EIF2AK3: variants seen among roughly 807,000 people sequenced by gnomAD.
The protein encoded by EIF2AK3 is eukaryotic translation initiation factor 2-alpha kinase 3.
In EIF2AK3, 50 loss-of-function variants were observed where a neutral mutation model predicts 113.5. That is an observed-to-expected ratio of 0.44 (90% CI 0.35 to 0.56). The LOEUF (loss-of-function observed/expected upper bound fraction) is 0.56, where lower values mean the gene tolerates loss of function less well. Ranked by LOEUF, EIF2AK3 falls within the 20% of genes least tolerant of loss-of-function variation. The probability of loss-of-function intolerance (pLI) is 0.00; values close to 1 mark genes in which losing one functional copy is unlikely to be tolerated. For synonymous variants in EIF2AK3, 448 were observed against 495.4 expected, an observed-to-expected ratio of 0.90 and a Z score of 1.27; for missense variants, 1,185 against 1,378.0, an observed-to-expected ratio of 0.86 and a Z score of 2.22.
chr2:88,575,290 T>C lies in EIF2AK3; in HGVS notation c.2193A>G (p.Thr731=). 6.2e-7 allele frequency: 1 copy of C among 1,614,194 alleles called. No individual in the cohort carries two copies. The highest frequency in any genetic ancestry group is 8.5e-7 in the Non-Finnish European group (1 of 1,180,018). The change falls in exon 13 of 17, where the codon ACA becomes ACG. Residue 731 remains threonine (T), a synonymous_variant. Coordinates refer to ENST00000303236, the MANE Select transcript of EIF2AK3 (RefSeq NM_004836.7). ...GTGAGAACTGGCTCTCAGATGAACT[T>C]GTCTGGTCACAGGAAATCCCTACTG... ...SFSVGISCDQ[T]SSSESQFSPL... is the part of the protein sequence containing the mutation.
intron 3 of EIF2AK3, chr2:88,594,057 G>A: frequency 2.1e-6 from 1 of 473,580 alleles, no homozygotes; most frequent in Non-Finnish European, 2.8e-6. Context: ...AGGATGGCAT[G>A]GCCTCCTCAA....
rs375371096 is a variant in EIF2AK3, at chr2:88,591,034, G to T, written c.786C>A (p.Gly262=). Residue 262 remains glycine (G), a synonymous_variant, in exon 5 of 17, where the codon GGC becomes GGA. Coordinates refer to ENST00000303236, the MANE Select transcript of EIF2AK3 (RefSeq NM_004836.7). ...SGNEKWNFSV[G]HFELRYIPDM... ...CTGGAATATACCGAAGTTCAAAGTG[G>T]CCAACACTGAAATTCCACCTTAAAT... 9 of 1,613,876 alleles carry T rather than the reference G, an allele frequency of 5.6e-6. No individual in the cohort carries two copies. Among genetic ancestry groups the T allele is most frequent in the African/African-American group, 2.7e-5 (2 of 74,900 alleles).
intron 16 of EIF2AK3, 27 bp downstream of exon 16, chr2:88,558,890 A>G: frequency 1.3e-6 from 2 of 1,535,874 alleles, no homozygotes; most frequent in Non-Finnish European, 1.8e-6. Context: ...GATTCTAAAG[A>G]AGATAAAAGA....
intron 1 of EIF2AK3, among the ~76,000 whole-genome samples, chr2:88,626,624 A>C (rs914179908): frequency 5.9e-5 from 9 of 152,256 alleles, no homozygotes; most frequent in African/African-American, 2.2e-4. Flanking sequence ...GTGCGTAAGG[A>C]AAAAGAGGGA....
At chr2:88,627,595 C>T (rs1170073583), upstream of EIF2AK3, 5 of 311,088 alleles carry the variant, frequency 1.6e-5, no homozygotes, top group South Asian at 1.2e-4. Context: ...CAACATCGCA[C>T]CTACCAATCA....
At chr2:88,626,122 A>G (rs777126279) in intron 1 of EIF2AK3, among the ~76,000 whole-genome samples, 1 of 152,218 alleles carries the variant, frequency 6.6e-6, no homozygotes, top group East Asian at 1.9e-4. Flanking sequence ...CTGTCCCCCA[A>G]ATTTACTGTT....
chr2:88,611,970 T>C (rs1243897138), intron 2 of EIF2AK3, among the ~76,000 whole-genome samples: 2 of 152,082 alleles, frequency 1.3e-5, no homozygotes, highest in South Asian at 4.1e-4. Flanking sequence ...AGATCTAGGA[T>C]TGGGGGTGGG....
intron 10 of EIF2AK3, among the ~76,000 whole-genome samples, 194 bp downstream of exon 10, chr2:88,583,236 A>G (rs1218439086): frequency 3.3e-5 from 5 of 152,160 alleles, no homozygotes; most frequent in East Asian, 3.8e-4. Flanking sequence ...CTAAATTCCT[A>G]TAACACTCTA....
chr2:88,593,769 C>T, intron 3 of EIF2AK3: 2 of 379,070 alleles, frequency 5.3e-6, no homozygotes, highest in South Asian at 8.9e-5. Context: ...CTTAGAGTTT[C>T]TGTATAACAA....
At chr2:88,610,037 G>T (rs1675393517) in intron 2 of EIF2AK3, among the ~76,000 whole-genome samples, 1 of 151,118 alleles carries the variant, frequency 6.6e-6, no homozygotes, top group South Asian at 2.1e-4. Context: ...TGGAAGGACT[G>T]CTTGAGCCCA....
At chr2:88,607,526 T>C (rs1051612491) in intron 2 of EIF2AK3, among the ~76,000 whole-genome samples, 1 of 152,204 alleles carries the variant, frequency 6.6e-6, no homozygotes, top group Admixed American at 6.5e-5. Context: ...TAGTGGCAAA[T>C]GAGATGTGTG....
At chr2:88,625,607 ACT>A (rs1480327750) in intron 1 of EIF2AK3, among the ~76,000 whole-genome samples, 2 of 151,924 alleles carry the variant, frequency 1.3e-5, no homozygotes, top group Non-Finnish European at 2.9e-5. Flanking sequence ...TAGACTGCAC[ACT>A]CTCCTGGAAG....
rs879226985 is a variant in EIF2AK3 at position 88,557,406 on chromosome 2, T to C, written c.*330A>G. The C allele has an allele frequency of 1.8e-5, 5 of 279,224 alleles. No individual in the cohort carries two copies. The Admixed American group carries it at 2.3e-4, about 13-fold the overall frequency. 17.3% of individuals were successfully genotyped at this position (279,224 alleles called of 1,614,324 possible). A position where few individuals can be genotyped will look rare whatever the true frequency, so the allele number is the denominator to read the frequency against. On this transcript the variant is annotated 3_prime_UTR_variant, in exon 17 of 17. Coordinates refer to ENST00000303236, the MANE Select transcript of EIF2AK3 (RefSeq NM_004836.7). ...TTCCTTCTTCTGCATTATAAAAATA[T>C]ATCCATTTTAGTTCTCACTATATAT...
chr2:88,624,567 C>G (rs1675812573), intron 1 of EIF2AK3, among the ~76,000 whole-genome samples: 1 of 152,164 alleles, frequency 6.6e-6, no homozygotes, highest in Admixed American at 6.5e-5. Flanking sequence ...TCATCTTCCT[C>G]CCTAAAATAA....
chr2:88,603,508 A>G (rs752005367), intron 2 of EIF2AK3, among the ~76,000 whole-genome samples: 20 of 152,228 alleles, frequency 1.3e-4, no homozygotes, highest in Admixed American at 2.6e-4. Context: ...TGCATTATAA[A>G]TCAGTTATCT....
chr2:88,570,253 C>G (rs1674265594), intron 14 of EIF2AK3, among the ~76,000 whole-genome samples: 2 of 152,124 alleles, frequency 1.3e-5, no homozygotes, highest in Non-Finnish European at 2.9e-5. Context: ...GTACTGAGCC[C>G]AAAACGTCCG....
intron 3 of EIF2AK3, 76 bp downstream of exon 3, chr2:88,595,393 G>A: frequency 1.5e-6 from 2 of 1,360,170 alleles, no homozygotes; most frequent in Non-Finnish European, 2.1e-6. Context: ...CTAATAATAA[G>A]TGTAGTTTAA....
chr2:88,569,288 C>T (rs1573388418), intron 14 of EIF2AK3, among the ~76,000 whole-genome samples: 2 of 151,124 alleles, frequency 1.3e-5, no homozygotes, highest in South Asian at 2.1e-4. Flanking sequence ...GGATGGCTTG[C>T]GGCCAGAAGT....
intron 11 of EIF2AK3, among the ~76,000 whole-genome samples, 191 bp from the exon 12 acceptor site, chr2:88,576,894 G>A (rs771813154): frequency 6.6e-6 from 1 of 151,976 alleles, no homozygotes; most frequent in Non-Finnish European, 1.5e-5. Context: ...CATATCTGAA[G>A]TATTCATATC....
Sources: gnomAD v4.1 joint callset for allele counts (sites outside exome capture counted in the v4.1 genomes callset) on GRCh38, gnomAD v4.1.1 for gene constraint, MANE v1.5 for transcripts, NCBI Gene and HGNC (gene_info 2026-07-23, HGNC 2026-07-21) for gene names.